ZNF385D: variants seen among roughly 807,000 people sequenced by gnomAD.
The protein encoded by ZNF385D is zinc finger protein 385D, also known as zinc finger protein 659.
Under a neutral mutation model 35.8 loss-of-function variants are expected in ZNF385D, and 15 were observed. The observed-to-expected ratio is 0.42, with a 90% CI of 0.28 to 0.64. The LOEUF is 0.64. Among genes scored for constraint, ZNF385D ranks in the 30% least tolerant of loss-of-function variants. ZNF385D has a pLI of 0.23. For missense variants in ZNF385D, 474 were observed against 494.6 expected, an observed-to-expected ratio of 0.96 and a Z score of 0.39; for synonymous variants, 212 against 186.8, an observed-to-expected ratio of 1.13 and a Z score of -1.10.
chr3:22,149,495 T>G (rs1705086352), intron 3 of ZNF385D, among the ~76,000 whole-genome samples: 1 of 152,178 alleles, frequency 6.6e-6, no homozygotes, highest in Admixed American at 6.5e-5. Context: ...CACAGATTGC[T>G]TGGCCTACTC....
At chr3:22,127,740 A>C (rs1576366337) in intron 3 of ZNF385D, among the ~76,000 whole-genome samples, 1 of 152,286 alleles carries the variant, frequency 6.6e-6, no homozygotes, top group Admixed American at 6.5e-5. Context: ...TTGCAAAAAC[A>C]ACCAAAGAAA....
chr3:21,892,322 C>T (rs1041079727), intron 3 of ZNF385D, among the ~76,000 whole-genome samples: 1 of 152,138 alleles, frequency 6.6e-6, no homozygotes, highest in Non-Finnish European at 1.5e-5. Context: ...GCACAGAAAC[C>T]TAGAAGGAGA....
At chr3:21,994,376 G>C (rs79276150) in intron 3 of ZNF385D, among the ~76,000 whole-genome samples, 1 of 152,220 alleles carries the variant, frequency 6.6e-6, no homozygotes, top group Middle Eastern at 3.4e-3. Flanking sequence ...TTTAGTTCCA[G>C]AATTTATGGG....
Position 22,246,359 on chromosome 3 carries a change from A to G in ZNF385D, c.107-77324T>C, listed in dbSNP as rs550326618. 4.5e-4 allele frequency among the ~76,000 whole-genome samples: 68 copies of G among 152,210 alleles called. 1 individual carries two copies. In the South Asian group the frequency reaches 0.014, roughly 31 times the overall value. On this transcript the variant is annotated intron_variant, in intron 2 of 5. Transcript: ENST00000494108. ...GAAGCATGTTCCCTACCACAGCCCAAATAATTTCCCTAATGTGTTATGAAT... is the reference window on the plus strand; with the variant it reads ...GAAGCATGTTCCCTACCACAGCCCAGATAATTTCCCTAATGTGTTATGAAT...
At chr3:22,289,465 G>A (rs769060685) in intron 2 of ZNF385D, among the ~76,000 whole-genome samples, 3 of 152,126 alleles carry the variant, frequency 2.0e-5, no homozygotes, top group Non-Finnish European at 2.9e-5. Flanking sequence ...TCTTCCAAAG[G>A]TTTATTGTTT....
chr3:21,976,237 C>T (rs9861014), intron 3 of ZNF385D, among the ~76,000 whole-genome samples: 4,758 of 152,086 alleles, frequency 0.031, 251 homozygotes, highest in African/African-American at 0.11. Context: ...CTGGTAATGA[C>T]AACACATTTT....
chr3:22,057,023 T>G (rs1249740423), intron 3 of ZNF385D, among the ~76,000 whole-genome samples: 2 of 152,202 alleles, frequency 1.3e-5, no homozygotes, highest in Admixed American at 1.3e-4. Flanking sequence ...TTCCATGAAT[T>G]TGTGTCAGAA....
At chr3:22,174,416 GT>G (rs1219281962) in intron 2 of ZNF385D, among the ~76,000 whole-genome samples, 3 of 152,118 alleles carry the variant, frequency 2.0e-5, no homozygotes, top group African/African-American at 7.2e-5. Flanking sequence ...CTAACAGACA[GT>G]TTAGTGCACA....
In ZNF385D at chr3:22,122,191, T is replaced by C. The variant is rs192317332; in HGVS notation, c.325+46626A>G. Among the ~76,000 whole-genome samples the C allele has an allele frequency of 3.5e-3, 538 of 152,282 alleles. 2 individuals carry two copies. The highest frequency in any genetic ancestry group is 6.2e-3 in the Non-Finnish European group (419 of 68,034). On this transcript the variant is annotated intron_variant, in intron 3 of 5. Transcript: ENST00000494108. ...GGTAAAAATCTGACTGCTTCCCCTT[T>C]ACTAGTTTTAGTTAATAAGTTTACC...
intron 3 of ZNF385D, among the ~76,000 whole-genome samples, chr3:21,881,198 A>G (rs1446771448): frequency 2.0e-5 from 3 of 151,786 alleles, no homozygotes; most frequent in Non-Finnish European, 4.4e-5. Flanking sequence ...AAACAGCCTT[A>G]CATTGAAAGA....
chr3:22,060,341 A>G (rs372206448), intron 3 of ZNF385D, among the ~76,000 whole-genome samples: 1 of 152,218 alleles, frequency 6.6e-6, no homozygotes, highest in Admixed American at 6.5e-5. Flanking sequence ...ACAGTGCTCA[A>G]TAAGTATTTG....
At chr3:21,762,854 C>A (rs9822822) in intron 3 of ZNF385D, among the ~76,000 whole-genome samples, 58,076 of 151,898 alleles carry the variant, frequency 0.38, 11,220 homozygotes, top group Middle Eastern at 0.53. Flanking sequence ...CACCTTTTTA[C>A]AAGCTGGATC....
intron 3 of ZNF385D, among the ~76,000 whole-genome samples, chr3:22,045,227 T>C (rs13433906): frequency 0.092 from 13,978 of 152,132 alleles, 845 homozygotes; most frequent in African/African-American, 0.16. Flanking sequence ...TAGATCCAGG[T>C]CTTATATTTA....
intron 3 of ZNF385D, among the ~76,000 whole-genome samples, chr3:21,916,211 A>G (rs1418134322): frequency 6.6e-6 from 1 of 152,178 alleles, no homozygotes; most frequent in East Asian, 1.9e-4. Flanking sequence ...ATATAATTAA[A>G]ATAAAGAGAA....
At chr3:22,181,279 G>A (rs992557570) in intron 2 of ZNF385D, among the ~76,000 whole-genome samples, 3 of 151,928 alleles carry the variant, frequency 2.0e-5, no homozygotes, top group African/African-American at 4.8e-5. Flanking sequence ...GAAAATTTAC[G>A]CATCCTAACA....
At chr3:21,430,711 A>G (rs534445230) in intron 5 of ZNF385D, among the ~76,000 whole-genome samples, 13 of 152,274 alleles carry the variant, frequency 8.5e-5, no homozygotes, top group Admixed American at 3.9e-4. Context: ...AAAAATCTTT[A>G]TATGCACCCA....
In ZNF385D at chr3:21,944,435, T is replaced by C. The variant is rs1046727965; in HGVS notation, c.325+224382A>G. Among the ~76,000 whole-genome samples the C allele has an allele frequency of 3.9e-5, 6 of 152,140 alleles. No homozygotes were observed. The South Asian group carries it at 1.2e-3, about 32-fold the overall frequency. On this transcript the variant is annotated intron_variant, in intron 3 of 5. Coordinates refer to the ZNF385D transcript ENST00000494108. ...TCAACTTTGTCCGAGCACCAATATA[T>C]TAGAAACAATGCGAAAACTCCCAGT...
intron 2 of ZNF385D, among the ~76,000 whole-genome samples, chr3:21,589,658 C>T (rs1007300408): frequency 6.6e-6 from 1 of 151,582 alleles, no homozygotes; most frequent in East Asian, 1.9e-4. Flanking sequence ...ATAAAGAACT[C>T]CAACAATTCA....
At position 22,271,883 on chromosome 3, in the gene ZNF385D, A is replaced by G. The variant is rs543243943; in HGVS notation, c.106+100567T>C. 3.2e-4 allele frequency among the ~76,000 whole-genome samples: 48 copies of G among 152,120 alleles called. 2 individuals carry two copies. The South Asian group carries it at 6.6e-3, about 21-fold the overall frequency. On this transcript the variant is annotated intron_variant, in intron 2 of 5. Transcript: ENST00000494108. ...CAATTTACAATTTTTAGACTTTACA[A>G]TAGTGTAAAAACAATACGCATTCAG...
Sources: gnomAD v4.1 joint callset for allele counts (sites outside exome capture counted in the v4.1 genomes callset) on GRCh38, gnomAD v4.1.1 for gene constraint, MANE v1.5 for transcripts, NCBI Gene and HGNC (gene_info 2026-07-23, HGNC 2026-07-21) for gene names.